The following PIGK variants were observed in gnomAD, a reference collection of about 807,000 sequenced individuals.
PIGK encodes the protein GPI-anchor transamidase.
In PIGK, 42 loss-of-function variants were observed where a neutral mutation model predicts 50.6. The ratio of observed to expected loss-of-function variants is 0.83; its 90% CI spans 0.65 to 1.07. PIGK has a LOEUF of 1.07. PIGK is among the 50% of genes least tolerant of loss of function. The pLI is 0.00. For missense variants in PIGK, 448 were observed against 488.7 expected (o/e 0.92, Z 0.78); for synonymous variants, 151 against 156.0 (o/e 0.97, Z 0.24).
intron 10 of PIGK, among the ~76,000 whole-genome samples, chr1:77,119,100 C>T (rs909926862): frequency 2.6e-5 from 4 of 152,258 alleles, no homozygotes; most frequent in African/African-American, 9.6e-5. Context: ...ATTCTGATAT[C>T]CGGTAAAACC....
Position 77,199,077 on chromosome 1 carries a change from A to G in PIGK, c.239+7563T>C, listed in dbSNP as rs116553224. Among the ~76,000 whole-genome samples, 1,325 of 152,186 alleles carry G rather than the reference A, an allele frequency of 8.7e-3. 24 individuals carry two copies. Among genetic ancestry groups the G allele is most frequent in the African/African-American group, 0.03 (1,257 of 41,548 alleles). On this transcript the variant is annotated intron_variant, in intron 3 of 10. Coordinates refer to ENST00000370812, the MANE Select transcript of PIGK (RefSeq NM_005482.3). ...ACAAATCAATAAAGAAATTTCCCCT[A>G]TGCTTCATAAACCCCATTCATGGTC... is the stretch of plus-strand genomic sequence containing the variant.
rs56353632 is a variant in PIGK at position 77,200,737 on chromosome 1, C to T, written c.239+5903G>A. On this transcript the variant is annotated intron_variant, in intron 3 of 10. Coordinates refer to ENST00000370812, the MANE Select transcript of PIGK (RefSeq NM_005482.3). Reference sequence around the variant, plus strand: ...AACAGTAATGCTCTGGCCATAAAGTCAGAAGACCTGAATTCAAATTGTGAT... The same window carrying T: ...AACAGTAATGCTCTGGCCATAAAGTTAGAAGACCTGAATTCAAATTGTGAT... Among the ~76,000 whole-genome samples the T allele has an allele frequency of 3.0e-3, 454 of 152,172 alleles. 4 individuals are homozygous for T. Among genetic ancestry groups the T allele is most frequent in the African/African-American group, 0.011 (443 of 41,544 alleles).
chr1:77,153,298 C>A (rs12722930), intron 9 of PIGK, among the ~76,000 whole-genome samples: 17,221 of 151,954 alleles, frequency 0.11, 1,330 homozygotes, highest in African/African-American at 0.21. Flanking sequence ...CATGTGGGAG[C>A]AAAACGAGTG....
intron 10 of PIGK, among the ~76,000 whole-genome samples, chr1:77,106,552 C>G (rs1194395910): frequency 6.6e-6 from 1 of 152,044 alleles, no homozygotes; most frequent in African/African-American, 2.4e-5. Flanking sequence ...ATTTGTACAA[C>G]AAAAATGAAT....
chr1:77,196,693 G>C (rs1557428439), intron 3 of PIGK, among the ~76,000 whole-genome samples: 1 of 152,060 alleles, frequency 6.6e-6, no homozygotes, highest in East Asian at 1.9e-4. Flanking sequence ...AGTTGTTTAT[G>C]TTCCTTATAG....
chr1:77,171,061 C>CA (rs35150123), intron 3 of PIGK, among the ~76,000 whole-genome samples: 26,271 of 152,022 alleles, frequency 0.17, 3,867 homozygotes, highest in African/African-American at 0.4. Flanking sequence ...AACTTGAGAT[C>CA]ATTAATTTAC....
rs572473723 is a variant in PIGK at position 77,130,434 on chromosome 1, A to G, written c.987-8075T>C. Among the ~76,000 whole-genome samples, 11 of 151,096 alleles carry G rather than the reference A, an allele frequency of 7.3e-5. No homozygotes were observed. The South Asian group carries it at 1.9e-3, about 26-fold the overall frequency. On this transcript the variant is annotated intron_variant, in intron 9 of 10. Transcript: ENST00000370812. Reference sequence around the variant, plus strand: ...AGGGGAAATCTAATTTTGTTTCTCCATGGCAAACCAATTGCTTCAACGTAG... The same window carrying G: ...AGGGGAAATCTAATTTTGTTTCTCCGTGGCAAACCAATTGCTTCAACGTAG...
At chr1:77,121,273 G>A (rs544887747) in intron 10 of PIGK, among the ~76,000 whole-genome samples, 2 of 152,068 alleles carry the variant, frequency 1.3e-5, no homozygotes, top group Non-Finnish European at 2.9e-5. Context: ...GACAACACTA[G>A]GGAATTCCTG....
At position 77,188,795 on chromosome 1, in the gene PIGK, C is replaced by T. The variant is rs959468020; in HGVS notation, c.239+17845G>A. The stretch of plus-strand genomic sequence containing the variant: ...TACTCTGTCCCTTTATTTCTCAAGC[C>T]GGCCGATGCTTAGGAAAAATAGAAA... On this transcript the variant is annotated intron_variant, in intron 3 of 10. Coordinates refer to ENST00000370812, the MANE Select transcript of PIGK (RefSeq NM_005482.3). 9.9e-5 allele frequency among the ~76,000 whole-genome samples: 15 copies of T among 152,102 alleles called. No homozygotes were observed. In the East Asian group the frequency reaches 1.5e-3, roughly 16 times the overall value.
chr1:77,141,402 C>A (rs1654647576), intron 9 of PIGK, among the ~76,000 whole-genome samples: 2 of 152,090 alleles, frequency 1.3e-5, no homozygotes, highest in Non-Finnish European at 2.9e-5. Flanking sequence ...GAGAACGGCT[C>A]TTAATATTGA....
chr1:77,182,636 C>A (rs80074865), intron 3 of PIGK, among the ~76,000 whole-genome samples: 3 of 152,070 alleles, frequency 2.0e-5, no homozygotes, highest in African/African-American at 7.2e-5. Flanking sequence ...GATTTTGGTA[C>A]GAGGAGTGAT....
chr1:77,110,712 C>T (rs12746974), intron 10 of PIGK, among the ~76,000 whole-genome samples: 29,615 of 151,908 alleles, frequency 0.19, 3,748 homozygotes, highest in African/African-American at 0.36. Flanking sequence ...AAGGACTTCA[C>T]GACTAAAACA....
intron 1 of PIGK, among the ~76,000 whole-genome samples, chr1:77,215,690 T>C (rs955516534): frequency 1.3e-5 from 2 of 152,150 alleles, no homozygotes; most frequent in Non-Finnish European, 2.9e-5. Context: ...AGTAGATGAA[T>C]GGATAAAGCA....
At chr1:77,161,829 G>T in intron 6 of PIGK, 118 bp from the exon 7 acceptor site, 1 of 655,590 alleles carries the variant, frequency 1.5e-6, no homozygotes, top group Non-Finnish European at 2.8e-6. Context: ...TTAGCTAAAA[G>T]TTTTCAGCAG....
At chr1:77,137,331 T>C (rs551331430) in intron 9 of PIGK, among the ~76,000 whole-genome samples, 53 of 152,282 alleles carry the variant, frequency 3.5e-4, no homozygotes, top group African/African-American at 1.2e-3. Flanking sequence ...CCATCCTACA[T>C]TGTCAACCCT....
intron 3 of PIGK, chr1:77,195,390 T>C: frequency 1.7e-6 from 2 of 1,165,906 alleles, no homozygotes; most frequent in East Asian, 2.4e-5. Context: ...GCACGCAGAG[T>C]GCTAAGGAGT....
intron 9 of PIGK, among the ~76,000 whole-genome samples, chr1:77,148,706 AGTTTTTGTTTTTTG>A (rs1236005005): frequency 6.7e-6 from 1 of 148,506 alleles, no homozygotes; most frequent in Non-Finnish European, 1.5e-5. Context: ...CGTTAGCATC[AGTTTTTGTTTTTTG>A]GTTTTTTTTT....
intron 3 of PIGK, among the ~76,000 whole-genome samples, chr1:77,174,196 T>C (rs930769036): frequency 1.3e-5 from 2 of 152,236 alleles, no homozygotes. Context: ...TACAATTTTC[T>C]TTCTCTAAGC....
chr1:77,129,737 A>G, intron 9 of PIGK: 1 of 718,224 alleles, frequency 1.4e-6, no homozygotes, highest in South Asian at 2.9e-5. Flanking sequence ...AAATAAATAA[A>G]TATTTACTAT....
Sources: allele counts gnomAD v4.1 joint callset (sites outside exome capture counted in the v4.1 genomes callset), GRCh38; gene constraint gnomAD v4.1.1; transcripts MANE v1.5; gene names NCBI Gene and HGNC (gene_info 2026-07-23, HGNC 2026-07-21).